PDGFRL: variants seen among roughly 807,000 people sequenced by gnomAD.
PDGFRL encodes the protein platelet derived growth factor receptor like.
Under a neutral mutation model 37.2 loss-of-function variants are expected in PDGFRL, and 46 were observed. That is an observed-to-expected ratio of 1.24 (90% CI 0.98 to 1.58). The LOEUF is 1.58. Among genes scored for constraint, PDGFRL ranks in the 40% most tolerant of loss-of-function variants. The probability of loss-of-function intolerance (pLI) is 0.00; values close to 1 mark genes in which losing one functional copy is unlikely to be tolerated. For synonymous variants in PDGFRL, 251 were observed against 184.3 expected, an observed-to-expected ratio of 1.36 and a Z score of -2.93; for missense variants, 692 against 467.6, an observed-to-expected ratio of 1.48 and a Z score of -4.43.
intron 2 of PDGFRL, among the ~76,000 whole-genome samples, chr8:17,616,598 G>A (rs1294668172): frequency 2.6e-5 from 4 of 152,094 alleles, no homozygotes; most frequent in Non-Finnish European, 4.4e-5. Flanking sequence ...TCTCTCTGGA[G>A]ACCTCCTTCC....
In PDGFRL at chr8:17,642,786, T is replaced by G; in HGVS notation, c.1113T>G (p.Thr371=). 1.9e-6 allele frequency: 3 copies of G among 1,602,690 alleles called. No homozygotes were observed. The highest frequency in any genetic ancestry group is 2.6e-6 in the Non-Finnish European group (3 of 1,170,710). The part of the protein sequence containing the change: ...NLQGQTTVAT[T]VEFS ...AAGGACAGACCACAGTAGCTACCAC[T>G]GTTGAGTTTTCCTGACTTGGAAAAG... The change falls in exon 6 of 6, where the codon ACT becomes ACG. Residue 371 remains threonine (T), a synonymous_variant. Coordinates refer to ENST00000251630, the MANE Select transcript of PDGFRL (RefSeq NM_001372073.1).
chr8:17,588,699 T>C (rs1803869845), intron 1 of PDGFRL, among the ~76,000 whole-genome samples: 2 of 152,058 alleles, frequency 1.3e-5, no homozygotes, highest in Admixed American at 1.3e-4. Flanking sequence ...ATATTTTGCG[T>C]GCACTTTCAG....
chr8:17,587,799 T>A (rs1282424950), intron 1 of PDGFRL, among the ~76,000 whole-genome samples: 1 of 152,054 alleles, frequency 6.6e-6, no homozygotes, highest in East Asian at 1.9e-4. Flanking sequence ...CCTGGCTAAT[T>A]TTGTATTTTT....
chr8:17,584,578 G>A (rs994446543), intron 1 of PDGFRL, among the ~76,000 whole-genome samples: 4 of 152,070 alleles, frequency 2.6e-5, no homozygotes, highest in Non-Finnish European at 4.4e-5. Flanking sequence ...GAAAACCAAG[G>A]CAGCACAGGG....
chr8:17,582,220 A>G (rs1300260791), intron 1 of PDGFRL, among the ~76,000 whole-genome samples: 1 of 152,136 alleles, frequency 6.6e-6, no homozygotes, highest in African/African-American at 2.4e-5. Context: ...CTTAAGAGTG[A>G]TGTCCTAGGG....
chr8:17,630,610 G>A (rs116212012), intron 4 of PDGFRL, among the ~76,000 whole-genome samples: 5,494 of 152,248 alleles, frequency 0.036, 233 homozygotes, highest in African/African-American at 0.099. Flanking sequence ...GCTCTGAGTC[G>A]GAGGCCACAG....
chr8:17,590,028 G>C (rs2588155), intron 2 of PDGFRL, among the ~76,000 whole-genome samples: 1 of 150,704 alleles, frequency 6.6e-6, no homozygotes, highest in South Asian at 2.1e-4. Flanking sequence ...TCAGGAGATC[G>C]AGGCTATCCT....
At chr8:17,596,491 T>A (rs1215494958) in intron 2 of PDGFRL, 5 of 382,810 alleles carry the variant, frequency 1.3e-5, no homozygotes, top group African/African-American at 8.3e-5. Context: ...AGTCTTTGAC[T>A]TCCTACACAA....
chr8:17,588,718 G>A (rs930362674), intron 1 of PDGFRL, among the ~76,000 whole-genome samples: 15 of 152,136 alleles, frequency 9.9e-5, no homozygotes, highest in African/African-American at 3.6e-4. Context: ...AGCACAGTTT[G>A]TGTCCCCAGT....
chr8:17,628,473 C>T lies in PDGFRL; in HGVS notation c.506-14C>T. On this transcript the variant is annotated splice_polypyrimidine_tract_variant and intron_variant, in intron 3 of 5. Transcript: ENST00000251630. ...TCCGGAGTGAATAAGCCTGTGTCTT[C>T]CTTCCCTTTGCAGAGAAAGGAGAAC... 6.2e-7 allele frequency: 1 copy of T among 1,610,200 alleles called. No individual in the cohort carries two copies. Among genetic ancestry groups the T allele is most frequent in the Non-Finnish European group, 8.5e-7 (1 of 1,176,454 alleles).
intron 2 of PDGFRL, among the ~76,000 whole-genome samples, chr8:17,607,927 G>C (rs7822291): frequency 0.021 from 3,252 of 152,322 alleles, 118 homozygotes; most frequent in African/African-American, 0.073. Context: ...AGATGTCAGA[G>C]GTTTGCCTCC....
At chr8:17,606,301 CTT>C (rs1407141165) in intron 2 of PDGFRL, among the ~76,000 whole-genome samples, 1 of 152,036 alleles carries the variant, frequency 6.6e-6, no homozygotes, top group African/African-American at 2.4e-5. Context: ...ATGTGAGTGT[CTT>C]TTGTATGCGA....
intron 2 of PDGFRL, among the ~76,000 whole-genome samples, chr8:17,597,499 C>G (rs546804777): frequency 5.5e-4 from 83 of 152,182 alleles, no homozygotes; most frequent in African/African-American, 1.9e-3. Context: ...ATCTAATGAA[C>G]TTTAGAGCTC....
intron 5 of PDGFRL, among the ~76,000 whole-genome samples, chr8:17,638,607 C>T (rs1268815726): frequency 6.6e-6 from 1 of 151,202 alleles, no homozygotes; most frequent in Non-Finnish European, 1.5e-5. Context: ...TGTTGATGTT[C>T]TGTCTTGATT....
chr8:17,633,612 G>C (rs531243450), intron 4 of PDGFRL, among the ~76,000 whole-genome samples: 2 of 152,336 alleles, frequency 1.3e-5, no homozygotes, highest in African/African-American at 4.8e-5. Context: ...TGCAGACCCA[G>C]GTAGCACTCA....
chr8:17,594,831 G>A (rs1804018321), intron 2 of PDGFRL, among the ~76,000 whole-genome samples: 1 of 152,148 alleles, frequency 6.6e-6, no homozygotes, highest in South Asian at 2.1e-4. Context: ...GTGAGCCACT[G>A]TGCCTGGCCT....
intron 4 of PDGFRL, among the ~76,000 whole-genome samples, chr8:17,630,049 C>T (rs984887875): frequency 6.6e-6 from 1 of 152,180 alleles, no homozygotes; most frequent in African/African-American, 2.4e-5. Context: ...CTCCCCATGC[C>T]TGTACTCAGA....
intron 2 of PDGFRL, among the ~76,000 whole-genome samples, chr8:17,598,517 C>G (rs1304157134): frequency 2.0e-5 from 3 of 152,120 alleles, no homozygotes; most frequent in East Asian, 3.8e-4. Context: ...GAAGTCAGTT[C>G]TTAGTCATTC....
intron 2 of PDGFRL, among the ~76,000 whole-genome samples, chr8:17,603,617 G>C (rs1391470812): frequency 3.3e-5 from 5 of 152,110 alleles, no homozygotes; most frequent in Non-Finnish European, 5.9e-5. Context: ...CCTCTGCCCT[G>C]TTCCTTTCTT....
Sources: gnomAD v4.1 joint callset for allele counts (sites outside exome capture counted in the v4.1 genomes callset) on GRCh38, gnomAD v4.1.1 for gene constraint, MANE v1.5 for transcripts, NCBI Gene and HGNC (gene_info 2026-07-23, HGNC 2026-07-21) for gene names.